The following CCSER1 variants were observed in gnomAD, a reference collection of about 807,000 sequenced individuals.
The protein encoded by CCSER1 is coiled-coil serine rich protein 1.
Under a neutral mutation model 82.0 loss-of-function variants are expected in CCSER1, and 41 were observed. The observed-to-expected ratio is 0.50, with a 90% CI of 0.39 to 0.65. The LOEUF is 0.65. Among genes scored for constraint, CCSER1 ranks in the 30% least tolerant of loss-of-function variants. CCSER1 has a pLI of 0.00. For missense variants in CCSER1, 1,119 were observed against 1,064.2 expected (o/e 1.05, Z -0.72); for synonymous variants, 414 against 383.9 (o/e 1.08, Z -0.92).
intron 10 of CCSER1, among the ~76,000 whole-genome samples, chr4:91,137,036 G>A (rs1472019528): frequency 6.8e-6 from 1 of 146,196 alleles, no homozygotes; most frequent in African/African-American, 2.5e-5. Context: ...TATACTTTAA[G>A]TTTTAGGGTA....
chr4:90,127,919 G>T (rs994302808), intron 1 of CCSER1, 88 bp downstream of exon 1: 1 of 151,882 alleles, frequency 6.6e-6, no homozygotes, highest in Admixed American at 6.6e-5. Flanking sequence ...ACGCGGGGAT[G>T]ACCGCTCGGC....
intron 10 of CCSER1, among the ~76,000 whole-genome samples, chr4:91,191,600 C>T (rs773259789): frequency 5.3e-5 from 8 of 152,162 alleles, no homozygotes; most frequent in Non-Finnish European, 8.8e-5. Flanking sequence ...CAGTCTCCAT[C>T]AATCTGATGT....
At chr4:90,941,405 A>G (rs539014017) in intron 9 of CCSER1, among the ~76,000 whole-genome samples, 3 of 152,276 alleles carry the variant, frequency 2.0e-5, no homozygotes, top group Non-Finnish European at 4.4e-5. Flanking sequence ...TGATATACAT[A>G]TGATTTTATT....
chr4:91,196,104 A>G (rs78336740), intron 10 of CCSER1, among the ~76,000 whole-genome samples: 2,658 of 151,146 alleles, frequency 0.018, 67 homozygotes, highest in African/African-American at 0.057. Context: ...GGAGAATGGC[A>G]TGAACCCGGG....
chr4:90,651,478 G>A (rs1229695154), intron 6 of CCSER1, among the ~76,000 whole-genome samples: 1 of 152,104 alleles, frequency 6.6e-6, no homozygotes, highest in Non-Finnish European at 1.5e-5. Flanking sequence ...TCATAAGTAG[G>A]AGTTGAACAA....
chr4:90,503,659 G>A (rs765509395), intron 5 of CCSER1, among the ~76,000 whole-genome samples: 4 of 151,984 alleles, frequency 2.6e-5, no homozygotes, highest in Non-Finnish European at 4.4e-5. Context: ...GAGAACATGC[G>A]GTTTTTGGTT....
chr4:91,020,717 G>A (rs6830306), intron 9 of CCSER1, among the ~76,000 whole-genome samples: 54,423 of 151,862 alleles, frequency 0.36, 10,974 homozygotes, highest in East Asian at 0.58. Flanking sequence ...TAAGAGCAAG[G>A]AAATATTAGA....
rs184226444 is a variant in CCSER1 at position 91,161,953 on chromosome 4, G to C, written c.2217+75959G>C. ...TTTTTCTTTTCCTGATTGCCCTGGC[G>C]AGAACTTCCAACACTATGTTGAATA... On this transcript the variant is annotated intron_variant, in intron 10 of 10. Transcript: ENST00000509176. 7.2e-3 allele frequency among the ~76,000 whole-genome samples: 1,101 copies of C among 152,142 alleles called. 14 individuals are homozygous for C. Among genetic ancestry groups the C allele is most frequent in the African/African-American group, 0.025 (1,029 of 41,508 alleles).
Position 90,933,014 on chromosome 4 carries a change from A to AAGAGAAAGAAAGAAAG in CCSER1, c.2172+9570_2172+9571insGAAAGAAAGAAAGAGA, listed in dbSNP as rs1395614152. Among the ~76,000 whole-genome samples, 11 of 86,848 alleles carry AAGAGAAAGAAAGAAAG rather than the reference A, an allele frequency of 1.3e-4. 3 individuals carry two copies. The highest frequency in any genetic ancestry group is 5.7e-4 in the African/African-American group (7 of 12,328). The allele number at this position is 86,848 out of a possible 152,430, so 57.0% of individuals were successfully genotyped here. A position where few individuals can be genotyped will look rare whatever the true frequency, so the allele number is the denominator to read the frequency against. ...AAAGAAAGAAAGAAAGAAAGAAAGA[A>AAGAGAAAGAAAGAAAG]AGAAAGAAAGAAAGAAAGAAAGAAA... On this transcript the variant is annotated intron_variant, in intron 9 of 10. Coordinates refer to ENST00000509176, the MANE Select transcript of CCSER1 (RefSeq NM_001145065.2).
intron 10 of CCSER1, among the ~76,000 whole-genome samples, chr4:91,477,488 A>G (rs1757659516): frequency 6.6e-6 from 1 of 151,594 alleles, no homozygotes; most frequent in African/African-American, 2.4e-5. Flanking sequence ...AATTTTTTTT[A>G]TTAATACTTC....
intron 3 of CCSER1, among the ~76,000 whole-genome samples, chr4:90,376,867 T>C (rs1409149672): frequency 1.3e-5 from 2 of 152,130 alleles, no homozygotes; most frequent in Admixed American, 6.6e-5. Flanking sequence ...TTTAAGGATA[T>C]TTGTACAGTG....
At chr4:90,612,670 A>G (rs938052950) in intron 5 of CCSER1, among the ~76,000 whole-genome samples, 3 of 152,178 alleles carry the variant, frequency 2.0e-5, no homozygotes, top group African/African-American at 7.2e-5. Flanking sequence ...AGAAACTTGT[A>G]GACAGAATAT....
chr4:91,125,832 C>A (rs1727463704), intron 10 of CCSER1, among the ~76,000 whole-genome samples: 1 of 151,526 alleles, frequency 6.6e-6, no homozygotes, highest in African/African-American at 2.4e-5. Flanking sequence ...TTAACACAGG[C>A]ACAAGAATTA....
chr4:90,822,844 C>A (rs1347047325), intron 8 of CCSER1, among the ~76,000 whole-genome samples: 2 of 151,456 alleles, frequency 1.3e-5, no homozygotes, highest in Admixed American at 1.3e-4. Flanking sequence ...AAAATAAACA[C>A]TTTAATAACA....
chr4:91,033,099 G>A (rs950682803), intron 9 of CCSER1, among the ~76,000 whole-genome samples: 1 of 152,102 alleles, frequency 6.6e-6, no homozygotes, highest in East Asian at 1.9e-4. Flanking sequence ...ACAAATTAAG[G>A]TAATACTGGA....
intron 7 of CCSER1, among the ~76,000 whole-genome samples, chr4:90,809,615 T>C (rs942878330): frequency 1.3e-5 from 2 of 151,838 alleles, no homozygotes; most frequent in African/African-American, 2.4e-5. Flanking sequence ...TACACTAAAA[T>C]CCTAGACTTC....
chr4:90,428,028 C>A (rs1757764655), intron 4 of CCSER1, among the ~76,000 whole-genome samples: 1 of 151,762 alleles, frequency 6.6e-6, no homozygotes, highest in African/African-American at 2.4e-5. Context: ...GGTTCTGAAT[C>A]AAACAAGTGT....
intron 10 of CCSER1, among the ~76,000 whole-genome samples, chr4:91,377,004 G>A (rs1040993486): frequency 2.0e-5 from 3 of 151,268 alleles, no homozygotes; most frequent in Non-Finnish European, 4.4e-5. Context: ...GTGGTGTTTC[G>A]TTTTTTGTCC....
chr4:90,437,154 A>G (rs1759132568), intron 4 of CCSER1, among the ~76,000 whole-genome samples: 1 of 152,064 alleles, frequency 6.6e-6, no homozygotes, highest in African/African-American at 2.4e-5. Flanking sequence ...AATACCCTTA[A>G]AATTAGAAAC....
Sources: gnomAD v4.1 joint callset for allele counts (sites outside exome capture counted in the v4.1 genomes callset) on GRCh38, gnomAD v4.1.1 for gene constraint, MANE v1.5 for transcripts, NCBI Gene and HGNC (gene_info 2026-07-23, HGNC 2026-07-21) for gene names.